Variants in IL22RA1 observed in about 807,000 individuals in gnomAD.
The protein encoded by IL22RA1 is interleukin-22 receptor subunit alpha-1.
In IL22RA1, 25 loss-of-function variants were observed where a neutral mutation model predicts 32.8. The ratio of observed to expected loss-of-function variants is 0.76; its 90% CI spans 0.55 to 1.06. IL22RA1 has a LOEUF of 1.06. IL22RA1 is among the 50% of genes least tolerant of loss of function. IL22RA1 has a pLI of 0.00. For missense variants in IL22RA1, 709 were observed against 727.4 expected (o/e 0.97, Z 0.29); for synonymous variants, 305 against 305.0 (o/e 1.00, Z 0.00).
intron 4 of IL22RA1, among the ~76,000 whole-genome samples, chr1:24,132,476 C>T (rs186180169): frequency 4.9e-4 from 75 of 151,752 alleles, no homozygotes; most frequent in East Asian, 7.9e-4. Flanking sequence ...AGACTACAGG[C>T]GCCCACTACC....
chr1:24,131,619 A>C (rs1644205139), intron 4 of IL22RA1, among the ~76,000 whole-genome samples: 1 of 152,250 alleles, frequency 6.6e-6, no homozygotes, highest in African/African-American at 2.4e-5. Flanking sequence ...TGCACGAAGC[A>C]AAAATGCACA....
rs1299495230 is a variant in IL22RA1, at chr1:24,137,007, C to T, written c.355+124G>A. The T allele has an allele frequency of 1.3e-5, 11 of 871,174 alleles. 1 individual carries two copies. The Admixed American group carries it at 3.0e-4, about 24-fold the overall frequency. 54.0% of individuals were successfully genotyped at this position (871,174 alleles called of 1,614,324 possible). ...CTAAAAGCCACATCCCCAGCTGCCC[C>T]TCCCCTTGCAGAGAGCCCCTTCTGG... On this transcript the variant is annotated intron_variant, in intron 3 of 6. Transcript: ENST00000270800.
chr1:24,138,338 C>G (rs1644257180), intron 2 of IL22RA1, among the ~76,000 whole-genome samples: 1 of 152,180 alleles, frequency 6.6e-6, no homozygotes, highest in Non-Finnish European at 1.5e-5. Context: ...GGTTACCTGC[C>G]CAAGGTTATA....
intron 4 of IL22RA1, among the ~76,000 whole-genome samples, chr1:24,128,548 T>TAA (rs1553159817): frequency 8.6e-5 from 13 of 150,746 alleles, no homozygotes; most frequent in Admixed American, 6.6e-4. Flanking sequence ...TATATATATA[T>TAA]AAAATGTGTG....
intron 4 of IL22RA1, among the ~76,000 whole-genome samples, chr1:24,133,936 AAAAAC>A (rs1326368258): frequency 1.1e-4 from 16 of 152,134 alleles, no homozygotes; most frequent in Admixed American, 1.0e-3. Context: ...TAAATAAATA[AAAAAC>A]AAAACAAAAC....
chr1:24,122,647 T>C (rs1644133154), intron 6 of IL22RA1, among the ~76,000 whole-genome samples: 1 of 151,794 alleles, frequency 6.6e-6, no homozygotes, highest in African/African-American at 2.4e-5. Flanking sequence ...ATACAAAAAT[T>C]AGCCAGGTGT....
intron 1 of IL22RA1, 40 bp from the exon 2 acceptor site, chr1:24,138,754 A>G: frequency 6.2e-7 from 1 of 1,605,376 alleles, no homozygotes; most frequent in Non-Finnish European, 8.5e-7. Context: ...GGGCTTTCCC[A>G]GGGTCACCCT....
At chr1:24,123,549 G>A (rs369716883) in intron 5 of IL22RA1, 126 bp from the exon 6 acceptor site, 132 of 1,503,398 alleles carry the variant, frequency 8.8e-5, no homozygotes, top group African/African-American at 8.1e-4. Context: ...CTCTCCTACC[G>A]TCAGAATGCA....
rs951523665 is a variant in IL22RA1 at position 24,120,773 on chromosome 1, A to C, written c.*32T>G. On this transcript the variant is annotated 3_prime_UTR_variant, in exon 7 of 7. Transcript: ENST00000270800. ...CAAGGATGTGACACTGGGTAGGGAC[A>C]GGGAGGAAGCACCAAGCCTTTCCCA... 6.5e-7 allele frequency: 1 copy of C among 1,547,668 alleles called. No individual in the cohort carries two copies. The highest frequency in any genetic ancestry group is 2.3e-5 in the East Asian group (1 of 44,270).
chr1:24,130,879 A>AT (rs1348457827), intron 4 of IL22RA1, among the ~76,000 whole-genome samples: 1 of 152,034 alleles, frequency 6.6e-6, no homozygotes, highest in African/African-American at 2.4e-5. Context: ...TGATTTTTGT[A>AT]TTTTTAGTAG....
At chr1:24,142,468 C>T (rs1644288189) in intron 1 of IL22RA1, among the ~76,000 whole-genome samples, 1 of 152,186 alleles carries the variant, frequency 6.6e-6, no homozygotes, top group Non-Finnish European at 1.5e-5. Context: ...AGACCTGTTT[C>T]CAAATGAGTC....
chr1:24,123,377 C>T lies in IL22RA1; in HGVS notation c.717G>A (p.Met239Ile). The T allele has an allele frequency of 6.2e-7, 1 of 1,613,978 alleles. No individual in the cohort carries two copies. The highest frequency in any genetic ancestry group is 8.5e-7 in the Non-Finnish European group (1 of 1,179,990). The change falls in exon 6 of 7, where the codon ATG becomes ATA. Residue 239 changes from methionine to isoleucine, a missense_variant. By Grantham distance (10) the Met-to-Ile change is conservative. Coordinates refer to ENST00000270800, the MANE Select transcript of IL22RA1 (RefSeq NM_021258.4). The part of the protein sequence containing the change: ...YSFSGAFLFS[M>I]GFLVAVLCYL... ...AGCAGAGTACTGCGACGAGGAAGCC[C>T]ATGGAGAACAGGAAGGCTCCGGAGA...
chr1:24,123,234 C>T, intron 6 of IL22RA1, 68 bp downstream of exon 6: 3 of 1,545,832 alleles, frequency 1.9e-6, no homozygotes, highest in Non-Finnish European at 2.6e-6. Flanking sequence ...ATTTTGGGGA[C>T]AACTGGGGAC....
chr1:24,125,419 C>T (rs556123154), intron 5 of IL22RA1, among the ~76,000 whole-genome samples: 18 of 152,248 alleles, frequency 1.2e-4, no homozygotes, highest in East Asian at 9.6e-4. Flanking sequence ...GAGCCTCTTC[C>T]GTCATCAAGA....
At chr1:24,137,531 T>C (rs1378667537) in intron 2 of IL22RA1, among the ~76,000 whole-genome samples, 1 of 147,432 alleles carries the variant, frequency 6.8e-6, no homozygotes. Context: ...TTTTTTTTTT[T>C]CTTGAGACAC....
At chr1:24,121,913 C>T (rs1243773894) in intron 6 of IL22RA1, among the ~76,000 whole-genome samples, 176 bp from the exon 7 acceptor site, 1 of 152,188 alleles carries the variant, frequency 6.6e-6, no homozygotes, top group Non-Finnish European at 1.5e-5. Flanking sequence ...AAGTGCCTCT[C>T]TGAAGGGACA....
intron 3 of IL22RA1, among the ~76,000 whole-genome samples, chr1:24,135,949 A>T (rs750991728): frequency 2.0e-5 from 3 of 152,148 alleles, no homozygotes; most frequent in Non-Finnish European, 4.4e-5. Context: ...CCATTCATTT[A>T]CTGAATATCT....
rs766854264 is a variant in IL22RA1, at chr1:24,137,318, C to A, written c.177-9G>T. 1.2e-6 allele frequency: 2 copies of A among 1,611,486 alleles called. No homozygotes were observed. Among genetic ancestry groups the A allele is most frequent in the Admixed American group, 3.3e-5 (2 of 59,976 alleles). On this transcript the variant is annotated splice_polypyrimidine_tract_variant and intron_variant, in intron 2 of 6. Transcript: ENST00000270800. The stretch of plus-strand genomic sequence containing the variant: ...AGTCCCTCTCTCCGTACCTGCAGGT[C>A]AGGAAGGGGCCAAGTCACCGTGGTG...
chr1:24,121,812 G>T lies in IL22RA1; in HGVS notation c.793-75C>A. ...AGCTCCCTACTGGTGATGTGGGTGG[G>T]TGAGGTCCTCCATAGGGAGGCATCT... is the stretch of plus-strand genomic sequence containing the variant. On this transcript the variant is annotated intron_variant, in intron 6 of 6. Coordinates refer to ENST00000270800, the MANE Select transcript of IL22RA1 (RefSeq NM_021258.4). The T allele has an allele frequency of 6.5e-6, 8 of 1,235,922 alleles. No homozygotes were observed. The South Asian group carries it at 1.4e-4, about 22-fold the overall frequency. 76.6% of individuals were successfully genotyped at this position (1,235,922 alleles called of 1,614,324 possible).
Sources: gnomAD v4.1 joint callset for allele counts (sites outside exome capture counted in the v4.1 genomes callset) on GRCh38, gnomAD v4.1.1 for gene constraint, MANE v1.5 for transcripts, NCBI Gene and HGNC (gene_info 2026-07-23, HGNC 2026-07-21) for gene names.